ESF1: variants seen among roughly 807,000 people sequenced by gnomAD.
ESF1 encodes the protein ESF1 homolog.
A neutral mutation model predicts 92.0 loss-of-function variants in ESF1; 58 were observed. The observed-to-expected ratio is 0.63, with a 90% confidence interval of 0.51 to 0.78. The LOEUF is 0.78. Among genes scored for constraint, ESF1 ranks in the 30% least tolerant of loss-of-function variants. ESF1 has a pLI of 0.00. For missense variants in ESF1, 922 were observed against 989.1 expected, an observed-to-expected ratio of 0.93 and a Z score of 0.91; for synonymous variants, 321 against 313.7, an observed-to-expected ratio of 1.02 and a Z score of -0.24.
chr20:13,752,914 T>C (rs1030127719), intron 9 of ESF1, among the ~76,000 whole-genome samples: 2 of 152,138 alleles, frequency 1.3e-5, no homozygotes, highest in Non-Finnish European at 2.9e-5. Flanking sequence ...GGGACTCCTC[T>C]TGCTGTGTGA....
chr20:13,766,648 TCA>T (rs1484046031), intron 8 of ESF1, 127 bp downstream of exon 8: 47 of 810,330 alleles, frequency 5.8e-5, no homozygotes, highest in Non-Finnish European at 7.9e-5. Context: ...TTTAAAAAAA[TCA>T]ATCACTATCT....
intron 9 of ESF1, among the ~76,000 whole-genome samples, chr20:13,745,076 C>T (rs1275453237): frequency 6.6e-6 from 1 of 152,130 alleles, no homozygotes. Context: ...TACTTATGTA[C>T]TCAAATGGCA....
chr20:13,780,430 A>G (rs185722909), intron 2 of ESF1, among the ~76,000 whole-genome samples: 3 of 152,272 alleles, frequency 2.0e-5, no homozygotes, highest in African/African-American at 4.8e-5. Context: ...TTATTCTTCA[A>G]TTTTAGTAAC....
At chr20:13,748,441 C>CACAT (rs1568718009) in intron 9 of ESF1, among the ~76,000 whole-genome samples, 2,727 of 90,750 alleles carry the variant, frequency 0.03, 98 homozygotes, top group East Asian at 0.17. Flanking sequence ...TATATATACA[C>CACAT]ATATATACAT....
chr20:13,762,854 G>GTTTTTTTTTTTT (rs33986564), intron 8 of ESF1: 4 of 186,858 alleles, frequency 2.1e-5, no homozygotes, highest in South Asian at 4.4e-5. Flanking sequence ...ATTTATTAAA[G>GTTTTTTTTTTTT]TTTTTTTTTT....
At chr20:13,775,020 G>C in intron 4 of ESF1, 137 bp downstream of exon 4, 1 of 570,898 alleles carries the variant, frequency 1.8e-6, no homozygotes, top group Non-Finnish European at 3.0e-6. Flanking sequence ...TGTTACATAA[G>C]TTTCACACTC....
chr20:13,731,717 TTG>T (rs1442540118), intron 10 of ESF1, among the ~76,000 whole-genome samples: 1 of 152,202 alleles, frequency 6.6e-6, no homozygotes, highest in African/African-American at 2.4e-5. Flanking sequence ...CTATAGTCTT[TTG>T]TGTTCGGTCT....
intron 9 of ESF1, among the ~76,000 whole-genome samples, chr20:13,758,310 T>C (rs746162334): frequency 6.6e-5 from 10 of 152,224 alleles, no homozygotes; most frequent in Non-Finnish European, 8.8e-5. Flanking sequence ...GCCAAATCAA[T>C]TGAGTTCTCC....
At chr20:13,741,525 G>A (rs1222106926) in intron 9 of ESF1, among the ~76,000 whole-genome samples, 1 of 152,048 alleles carries the variant, frequency 6.6e-6, no homozygotes, top group East Asian at 1.9e-4. Flanking sequence ...TACATGAGAG[G>A]TGACATGTCA....
chr20:13,774,251 T>C (rs1406308754), intron 4 of ESF1, among the ~76,000 whole-genome samples: 3 of 145,962 alleles, frequency 2.1e-5, no homozygotes, highest in African/African-American at 2.5e-5. Flanking sequence ...AACAGAATAA[T>C]ACAGGTTGAG....
rs529560522 is a variant in ESF1 at position 13,723,452 on chromosome 20, G to A, written c.2039-4468C>T. 7.3e-5 allele frequency among the ~76,000 whole-genome samples: 11 copies of A among 151,514 alleles called. No homozygotes were observed. In the East Asian group the frequency reaches 2.1e-3, roughly 29 times the overall value. On this transcript the variant is annotated intron_variant, in intron 11 of 13. Coordinates refer to ENST00000617257, the MANE Select transcript of ESF1 (RefSeq NM_001276380.2). ...ACCAGCTACCACTGGAAAATTAGCA[G>A]ATTTTTCTAATATTTCATTTCATTT...
At chr20:13,782,263 G>C (rs1385589893) in intron 2 of ESF1, among the ~76,000 whole-genome samples, 2 of 152,056 alleles carry the variant, frequency 1.3e-5, no homozygotes, top group Non-Finnish European at 2.9e-5. Context: ...TCTCATTAGG[G>C]CTCACCACTA....
At chr20:13,734,070 CAAA>C (rs1297916361) in intron 9 of ESF1, among the ~76,000 whole-genome samples, 1 of 152,046 alleles carries the variant, frequency 6.6e-6, no homozygotes, top group Non-Finnish European at 1.5e-5. Context: ...CAAACAAAAT[CAAA>C]ACAAACCAAC....
At chr20:13,716,763 C>G (rs1188072385) in intron 13 of ESF1, among the ~76,000 whole-genome samples, 1 of 145,974 alleles carries the variant, frequency 6.9e-6, no homozygotes, top group Non-Finnish European at 1.5e-5. Context: ...ACCTCAGCCT[C>G]CTGAGTAGCT....
chr20:13,741,471 A>G (rs1361128587), intron 9 of ESF1, among the ~76,000 whole-genome samples: 1 of 152,242 alleles, frequency 6.6e-6, no homozygotes, highest in East Asian at 1.9e-4. Context: ...ACTGACCAGT[A>G]AAACACAGAG....
rs2049918087 is a variant in ESF1, at chr20:13,728,542, C to T, written c.1951-77G>A. 1.0e-5 allele frequency: 12 copies of T among 1,162,224 alleles called. No homozygotes were observed. The Middle Eastern group carries it at 2.0e-3, about 197-fold the overall frequency. 72.0% of individuals were successfully genotyped at this position (1,162,224 alleles called of 1,614,324 possible). On this transcript the variant is annotated intron_variant, in intron 10 of 13. Coordinates refer to ENST00000617257, the MANE Select transcript of ESF1 (RefSeq NM_001276380.2). ...TAAATGTATACCAAGAAAAACTATG[C>T]ATTTCTTTTAAACCAAGTAGTTCAA...
rs1408610863 is a variant in ESF1, at chr20:13,748,687, C to T, written c.1828+11005G>A. On this transcript the variant is annotated intron_variant, in intron 9 of 13. Transcript: ENST00000617257. ...ACTGCAACCTCCACTCCGAGGTTCA[C>T]GCCATTCTGCTGCCTCAGCCTCCTG... Among the ~76,000 whole-genome samples, 37 of 149,328 alleles carry T rather than the reference C, an allele frequency of 2.5e-4. 1 individual carries two copies. The highest frequency in any genetic ancestry group is 2.1e-4 in the South Asian group (1 of 4,738).
chr20:13,751,378 G>A (rs2030632346), intron 9 of ESF1, among the ~76,000 whole-genome samples: 1 of 152,160 alleles, frequency 6.6e-6, no homozygotes, highest in Non-Finnish European at 1.5e-5. Context: ...TTCTTTTCTT[G>A]AGCTCACTTG....
At chr20:13,749,123 C>A (rs139137179) in intron 9 of ESF1, among the ~76,000 whole-genome samples, 1 of 150,264 alleles carries the variant, frequency 6.7e-6, no homozygotes, top group Non-Finnish European at 1.5e-5. Flanking sequence ...TGGAGTGCAA[C>A]GGCATGATCT....
Sources: allele counts gnomAD v4.1 joint callset (sites outside exome capture counted in the v4.1 genomes callset), GRCh38; gene constraint gnomAD v4.1.1; transcripts MANE v1.5; gene names NCBI Gene and HGNC (gene_info 2026-07-23, HGNC 2026-07-21).